Variants in ADGRV1 observed in about 807,000 individuals in gnomAD.
ADGRV1 encodes the protein G-protein coupled receptor 98.
Under a neutral mutation model 596.2 loss-of-function variants are expected in ADGRV1, and 359 were observed. That is an observed-to-expected ratio of 0.60 (90% CI 0.55 to 0.66). The LOEUF (loss-of-function observed/expected upper bound fraction) is 0.66. Among genes scored for constraint, ADGRV1 ranks in the 30% least tolerant of loss-of-function variants. The pLI is 0.00. For missense variants in ADGRV1, 7,274 were observed against 7,575.6 expected (o/e 0.96, Z 1.48); for synonymous variants, 2,681 against 2,679.2 (o/e 1.00, Z -0.02).
At chr5:91,125,189 C>T (rs1273675585) in intron 87 of ADGRV1, among the ~76,000 whole-genome samples, 1 of 152,172 alleles carries the variant, frequency 6.6e-6, no homozygotes, top group East Asian at 1.9e-4. Flanking sequence ...GGACTTGCCT[C>T]CCCTGAATGG....
intron 87 of ADGRV1, among the ~76,000 whole-genome samples, chr5:91,134,660 C>T (rs13190101): frequency 1.3e-5 from 2 of 152,098 alleles, no homozygotes. Flanking sequence ...AACATTTCCT[C>T]ATACAAACCT....
At chr5:91,000,144 A>C (rs1283823785) in intron 85 of ADGRV1, among the ~76,000 whole-genome samples, 1 of 152,000 alleles carries the variant, frequency 6.6e-6, no homozygotes, top group African/African-American at 2.4e-5. Flanking sequence ...AGATTTATAC[A>C]TTTTTGTTTT....
intron 85 of ADGRV1, among the ~76,000 whole-genome samples, chr5:91,048,904 C>T (rs1786072033): frequency 6.6e-6 from 1 of 152,074 alleles, no homozygotes. Context: ...GCAACACTAA[C>T]AGAAGTTTAT....
intron 88 of ADGRV1, among the ~76,000 whole-genome samples, chr5:91,152,091 G>C (rs564920517): frequency 1.3e-5 from 2 of 152,300 alleles, no homozygotes; most frequent in South Asian, 4.1e-4. Flanking sequence ...GCTCACTTGG[G>C]TGTTGTGCAA....
chr5:90,973,678 G>T (rs374665371), intron 84 of ADGRV1, among the ~76,000 whole-genome samples: 1 of 152,092 alleles, frequency 6.6e-6, no homozygotes, highest in Non-Finnish European at 1.5e-5. Flanking sequence ...CTCTCAATAA[G>T]TTAGGTATTG....
At chr5:90,646,706 T>C (rs6886689) in intron 16 of ADGRV1, among the ~76,000 whole-genome samples, 8,350 of 152,092 alleles carry the variant, frequency 0.055, 803 homozygotes, top group African/African-American at 0.19. Flanking sequence ...TTAATTTACC[T>C]AATGCAGGAA....
intron 87 of ADGRV1, among the ~76,000 whole-genome samples, chr5:91,136,678 G>T (rs1451013050): frequency 6.6e-6 from 1 of 152,104 alleles, no homozygotes; most frequent in East Asian, 1.9e-4. Flanking sequence ...GGAAGTAATT[G>T]GTATTGAAAT....
At chr5:90,863,297 G>A (rs1036442962) in intron 82 of ADGRV1, among the ~76,000 whole-genome samples, 4 of 152,132 alleles carry the variant, frequency 2.6e-5, no homozygotes, top group African/African-American at 9.7e-5. Flanking sequence ...CAAACTCAAA[G>A]ATAATAAGAA....
intron 87 of ADGRV1, among the ~76,000 whole-genome samples, chr5:91,117,604 C>T (rs745712208): frequency 2.6e-5 from 4 of 152,138 alleles, no homozygotes; most frequent in Non-Finnish European, 4.4e-5. Context: ...TGCACTGCAA[C>T]GCTGAAAGAA....
intron 87 of ADGRV1, among the ~76,000 whole-genome samples, chr5:91,139,788 G>T (rs536748626): frequency 1.3e-5 from 2 of 152,196 alleles, no homozygotes; most frequent in East Asian, 1.9e-4. Context: ...TGTAATTGTG[G>T]TTTTTTTCCA....
At chr5:90,594,636 C>T (rs1401888950) in intron 1 of ADGRV1, among the ~76,000 whole-genome samples, 1 of 146,892 alleles carries the variant, frequency 6.8e-6, no homozygotes, top group Non-Finnish European at 1.5e-5. Flanking sequence ...CTGCGGCCTT[C>T]CACAGCGTTT....
chr5:90,899,611 CTT>C (rs745451106), intron 83 of ADGRV1, among the ~76,000 whole-genome samples: 5 of 152,296 alleles, frequency 3.3e-5, no homozygotes, highest in Non-Finnish European at 7.4e-5. Flanking sequence ...TTATAAATGA[CTT>C]TATGCTTTTC....
chr5:90,680,408 T>C (rs1351225910), intron 26 of ADGRV1, among the ~76,000 whole-genome samples: 1 of 149,076 alleles, frequency 6.7e-6, no homozygotes, highest in East Asian at 2.0e-4. Flanking sequence ...AGGAAGAAAA[T>C]AAATGGAAGG....
intron 1 of ADGRV1, among the ~76,000 whole-genome samples, chr5:90,587,555 C>CTT (rs35819836): frequency 7.2e-5 from 10 of 138,570 alleles, no homozygotes; most frequent in East Asian, 6.3e-4. Context: ...TTTTCTGTGT[C>CTT]TTTTTTTTTT....
At chr5:90,804,301 G>T (rs1761691168) in intron 71 of ADGRV1, among the ~76,000 whole-genome samples, 1 of 152,042 alleles carries the variant, frequency 6.6e-6, no homozygotes, top group Admixed American at 6.6e-5. Context: ...ATTGGGGAAG[G>T]TGAGGCATGA....
intron 34 of ADGRV1, among the ~76,000 whole-genome samples, chr5:90,697,497 A>G (rs1747344852): frequency 6.8e-6 from 1 of 147,628 alleles, no homozygotes; most frequent in African/African-American, 2.7e-5. Context: ...TGCTTAGCAT[A>G]GTTCCTGGCA....
intron 5 of ADGRV1, among the ~76,000 whole-genome samples, chr5:90,623,059 C>A (rs1013831026): frequency 2.0e-5 from 3 of 152,114 alleles, no homozygotes; most frequent in Non-Finnish European, 4.4e-5. Flanking sequence ...ACTTTAAATG[C>A]GAACACTGGG....
At chr5:91,113,543 A>G (rs1350550075) in intron 87 of ADGRV1, among the ~76,000 whole-genome samples, 1 of 152,134 alleles carries the variant, frequency 6.6e-6, no homozygotes, top group African/African-American at 2.4e-5. Flanking sequence ...ACCTCCTCTA[A>G]GAGAGTCAGT....
chr5:90,604,266 G>C (rs1419265308), intron 1 of ADGRV1, among the ~76,000 whole-genome samples: 1 of 152,104 alleles, frequency 6.6e-6, no homozygotes, highest in Non-Finnish European at 1.5e-5. Flanking sequence ...CTAGGCATCT[G>C]GGTTTGTAAC....
Sources: gnomAD v4.1 joint callset for allele counts (sites outside exome capture counted in the v4.1 genomes callset) on GRCh38, gnomAD v4.1.1 for gene constraint, MANE v1.5 for transcripts, NCBI Gene and HGNC (gene_info 2026-07-23, HGNC 2026-07-21) for gene names.